The following DPH6 variants were observed in gnomAD, a reference collection of about 807,000 sequenced individuals.
DPH6 encodes the protein diphthine--ammonia ligase.
DPH6 carries 33 observed loss-of-function variants against 38.2 expected under a neutral mutation model. The observed-to-expected ratio is 0.86, with a 90% CI of 0.65 to 1.15. The LOEUF (loss-of-function observed/expected upper bound fraction) is 1.15, where lower values mean the gene tolerates loss of function less well. Ranked by LOEUF, DPH6 falls within the 50% of genes most tolerant of loss-of-function variation. The pLI, the probability that DPH6 is intolerant of heterozygous loss-of-function variation, is 0.00. For synonymous variants in DPH6, 108 were observed against 103.0 expected (o/e 1.05, Z -0.30); for missense variants, 325 against 320.0 (o/e 1.02, Z -0.12).
At chr15:35,433,938 GA>G (rs1219631764) in intron 5 of DPH6, among the ~76,000 whole-genome samples, 1 of 152,198 alleles carries the variant, frequency 6.6e-6, no homozygotes, top group Non-Finnish European at 1.5e-5. Context: ...GAAGAGAAAA[GA>G]GAAGGGAGGT....
At chr15:35,278,313 C>T (rs544042145) in intron 3 of DPH6, among the ~76,000 whole-genome samples, 47 of 152,324 alleles carry the variant, frequency 3.1e-4, no homozygotes, top group African/African-American at 1.1e-3. Flanking sequence ...AGAGTGAGGC[C>T]GTAATCCTTG....
intron 3 of DPH6, among the ~76,000 whole-genome samples, chr15:35,314,505 A>G (rs1595474068): frequency 6.6e-6 from 1 of 152,332 alleles, no homozygotes; most frequent in South Asian, 2.1e-4. Context: ...TTGGTCTGGG[A>G]ACTGCTAACA....
At chr15:35,295,896 A>C (rs1455158590) in intron 3 of DPH6, among the ~76,000 whole-genome samples, 1 of 151,850 alleles carries the variant, frequency 6.6e-6, no homozygotes, top group African/African-American at 2.4e-5. Flanking sequence ...CTTGAACATC[A>C]TATTACTTAC....
At chr15:35,384,126 T>C (rs2052909612) in intron 6 of DPH6, among the ~76,000 whole-genome samples, 1 of 152,234 alleles carries the variant, frequency 6.6e-6, no homozygotes, top group Non-Finnish European at 1.5e-5. Context: ...GGTCTGTCTC[T>C]GGCTTCGACT....
intron 3 of DPH6, among the ~76,000 whole-genome samples, chr15:35,229,354 T>A (rs186044530): frequency 6.6e-6 from 1 of 152,184 alleles, no homozygotes; most frequent in East Asian, 1.9e-4. Flanking sequence ...AGTATGCCAA[T>A]TGCATTTTCA....
At chr15:35,366,748 C>T (rs1447276023), downstream of DPH6, among the ~76,000 whole-genome samples, 2 of 151,924 alleles carry the variant, frequency 1.3e-5, no homozygotes, top group East Asian at 1.9e-4. Context: ...GAATCAACAA[C>T]ATATTATGGC....
At chr15:35,476,587 T>C (rs1595397591) in intron 3 of DPH6, among the ~76,000 whole-genome samples, 1 of 151,834 alleles carries the variant, frequency 6.6e-6, no homozygotes. Flanking sequence ...TTGACCATTT[T>C]AGTTTGTTGC....
chr15:35,189,745 A>G, the DPH6 span, among the ~76,000 whole-genome samples: 1 of 152,200 alleles, frequency 6.6e-6, no homozygotes, highest in Non-Finnish European at 1.5e-5. Context: ...CGACAAATTT[A>G]TTCATGTTTT....
intron 3 of DPH6, among the ~76,000 whole-genome samples, chr15:35,504,450 T>G (rs992345160): frequency 1.1e-4 from 17 of 151,936 alleles, no homozygotes; most frequent in African/African-American, 3.9e-4. Context: ...CAGGTAAAAC[T>G]GATCTCTTTC....
At chr15:35,366,228 TTGTGTGTGTGTGTG>T (rs10525441), downstream of DPH6, among the ~76,000 whole-genome samples, 2 of 144,376 alleles carry the variant, frequency 1.4e-5, no homozygotes, top group Admixed American at 6.9e-5. Context: ...TTTAGTCATC[TTGTGTGTGTGTGTG>T]TGTGTGTGTG....
chr15:35,522,037 T>C, intron 3 of DPH6: 2 of 1,571,256 alleles, frequency 1.3e-6, no homozygotes, highest in Non-Finnish European at 1.7e-6. Flanking sequence ...ATCCAATTAG[T>C]ATGTCTAAGT....
intron 7 of DPH6, among the ~76,000 whole-genome samples, chr15:35,379,823 A>G (rs2052840018): frequency 6.6e-6 from 1 of 152,224 alleles, no homozygotes; most frequent in Non-Finnish European, 1.5e-5. Flanking sequence ...GTCCAACAGT[A>G]TTTAGCAAAT....
intron 1 of DPH6, among the ~76,000 whole-genome samples, chr15:35,545,622 G>A (rs890803082): frequency 1.3e-5 from 2 of 152,214 alleles, no homozygotes; most frequent in African/African-American, 2.4e-5. Flanking sequence ...CTTACAACTA[G>A]GGAGGAAGCC....
At chr15:35,474,087 T>G (rs995995031) in intron 3 of DPH6, among the ~76,000 whole-genome samples, 27 of 152,104 alleles carry the variant, frequency 1.8e-4, no homozygotes, top group Non-Finnish European at 3.8e-4. Context: ...CCTATGAACA[T>G]TGTGAATTTT....
At chr15:35,528,147 T>C (rs779970117) in intron 3 of DPH6, among the ~76,000 whole-genome samples, 2 of 152,178 alleles carry the variant, frequency 1.3e-5, no homozygotes, top group Non-Finnish European at 2.9e-5. Flanking sequence ...GATACTAATA[T>C]CATAGTTTTG....
chr15:35,359,636 C>T (rs1247026024), intron 3 of DPH6, among the ~76,000 whole-genome samples: 4 of 152,122 alleles, frequency 2.6e-5, no homozygotes, highest in South Asian at 2.1e-4. Context: ...ATAAACAGAC[C>T]TTCAGTTTAG....
chr15:35,443,193 C>G (rs1009476695), intron 5 of DPH6, among the ~76,000 whole-genome samples: 1 of 152,094 alleles, frequency 6.6e-6, no homozygotes, highest in African/African-American at 2.4e-5. Context: ...GAAATTATAT[C>G]ATCAGTAGTG....
chr15:35,189,379 A>G, the DPH6 span, among the ~76,000 whole-genome samples: 41 of 152,096 alleles, frequency 2.7e-4, no homozygotes, highest in African/African-American at 9.7e-4. Flanking sequence ...CCTTGCCTCA[A>G]TCTCTCTACC....
intron 3 of DPH6, among the ~76,000 whole-genome samples, chr15:35,296,731 C>T (rs2052017701): frequency 1.3e-5 from 2 of 152,096 alleles, no homozygotes; most frequent in South Asian, 4.1e-4. Context: ...CTATATTTTC[C>T]TAGTACTTTA....
Sources: gnomAD v4.1 joint callset for allele counts (sites outside exome capture counted in the v4.1 genomes callset) on GRCh38, gnomAD v4.1.1 for gene constraint, MANE v1.5 for transcripts, NCBI Gene and HGNC (gene_info 2026-07-23, HGNC 2026-07-21) for gene names.